The following HDAC4 variants were observed in gnomAD, a reference collection of about 807,000 sequenced individuals.
HDAC4 encodes histone deacetylase A.
In HDAC4, 16 loss-of-function variants were observed where a neutral mutation model predicts 135.1. That is an observed-to-expected ratio of 0.12 (90% CI 0.08 to 0.18). The LOEUF (loss-of-function observed/expected upper bound fraction) is 0.18, where lower values mean the gene tolerates loss of function less well. HDAC4 is among the 10% of genes least tolerant of loss of function. The pLI, the probability that HDAC4 is intolerant of heterozygous loss-of-function variation, is 1.00. For synonymous variants in HDAC4, 685 were observed against 653.4 expected (o/e 1.05, Z -0.74); for missense variants, 1,143 against 1,511.8 (o/e 0.76, Z 4.05).
At chr2:239,120,439 ACAG>A (rs2039568977) in intron 12 of HDAC4, among the ~76,000 whole-genome samples, 1 of 47,522 alleles carries the variant, frequency 2.1e-5, no homozygotes, top group South Asian at 1.7e-3. Context: ...GCACAAATAG[ACAG>A]ACATGCAGAT....
At chr2:239,223,751 C>A (rs574208565) in intron 3 of HDAC4, among the ~76,000 whole-genome samples, 5 of 151,978 alleles carry the variant, frequency 3.3e-5, no homozygotes, top group African/African-American at 1.2e-4. Context: ...CTCACACTCT[C>A]TGCCCAGCAA....
At chr2:239,125,924 G>A (rs1267954342) in intron 12 of HDAC4, among the ~76,000 whole-genome samples, 1 of 152,236 alleles carries the variant, frequency 6.6e-6, no homozygotes, top group Non-Finnish European at 1.5e-5. Flanking sequence ...ACTGCACCCG[G>A]GCCCCCCGGC....
intron 25 of HDAC4, among the ~76,000 whole-genome samples, chr2:239,054,002 G>A (rs1460073241): frequency 1.3e-5 from 2 of 151,964 alleles, no homozygotes; most frequent in Admixed American, 6.5e-5. Flanking sequence ...CTGGGGCTGA[G>A]GGGTCTTCTG....
chr2:239,344,743 G>C (rs1474567142), intron 2 of HDAC4, among the ~76,000 whole-genome samples: 1 of 152,162 alleles, frequency 6.6e-6, no homozygotes, highest in Non-Finnish European at 1.5e-5. Context: ...AAGTATTTTT[G>C]AAACCTTGCC....
intron 3 of HDAC4, among the ~76,000 whole-genome samples, chr2:239,215,171 G>T (rs1347856697): frequency 1.3e-5 from 2 of 152,196 alleles, no homozygotes; most frequent in Non-Finnish European, 2.9e-5. Flanking sequence ...ACAAGCCCTG[G>T]GGCGCTTGGA....
At chr2:239,364,102 A>G (rs1377523315) in intron 1 of HDAC4, among the ~76,000 whole-genome samples, 1 of 152,240 alleles carries the variant, frequency 6.6e-6, no homozygotes, top group East Asian at 1.9e-4. Context: ...GCACTCACAC[A>G]CGAGGTTACA....
At chr2:239,374,732 T>C (rs1694886319) in intron 1 of HDAC4, among the ~76,000 whole-genome samples, 1 of 152,212 alleles carries the variant, frequency 6.6e-6, no homozygotes, top group South Asian at 2.1e-4. Flanking sequence ...AGTTAACTCA[T>C]GTGTGCTAAA....
intron 2 of HDAC4, among the ~76,000 whole-genome samples, chr2:239,328,204 C>T (rs1304230637): frequency 1.3e-5 from 2 of 152,354 alleles, no homozygotes; most frequent in African/African-American, 2.4e-5. Flanking sequence ...GGAGCCCTGG[C>T]GCTGGCCCAA....
At chr2:239,183,472 A>C (rs1173635346) in intron 4 of HDAC4, among the ~76,000 whole-genome samples, 1 of 152,210 alleles carries the variant, frequency 6.6e-6, no homozygotes, top group African/African-American at 2.4e-5. Flanking sequence ...GGATGGGAAC[A>C]CCAGGTGCAG....
chr2:239,395,991 G>A (rs1696532947), intron 1 of HDAC4, among the ~76,000 whole-genome samples: 1 of 151,940 alleles, frequency 6.6e-6, no homozygotes, highest in South Asian at 2.1e-4. Context: ...TTTTTGGGGG[G>A]GACAGCCCAG....
At chr2:239,109,768 G>A (rs945996702) in intron 14 of HDAC4, among the ~76,000 whole-genome samples, 4 of 152,192 alleles carry the variant, frequency 2.6e-5, no homozygotes, top group East Asian at 1.9e-4. Context: ...CGTGAAATAC[G>A]TAAGTGTGTG....
rs114788064 is a variant in HDAC4 at position 239,193,367 on chromosome 2, C to T, written c.95-3290G>A. 7.9e-3 allele frequency among the ~76,000 whole-genome samples: 1,211 copies of T among 152,364 alleles called. 23 individuals are homozygous for T. The highest frequency in any genetic ancestry group is 0.028 in the African/African-American group (1,157 of 41,584). On this transcript the variant is annotated intron_variant, in intron 3 of 26. Transcript: ENST00000543185. Reference sequence around the variant, plus strand: ...GGATTTTTTTTATTAACTTCAAAAACATGACATGCCCGCATTTCCACTCCT... The same window carrying T: ...GGATTTTTTTTATTAACTTCAAAAATATGACATGCCCGCATTTCCACTCCT...
In HDAC4 at chr2:239,352,973, T is replaced by C; in HGVS notation, c.-219-55A>G. ...GAGTTACAACATGGAAGTTCCGATC[T>C]GGAAAACAACATCCAACTAGGGAAA... On this transcript the variant is annotated intron_variant, in intron 1 of 26. Transcript: ENST00000543185. The surrounding 1 kb of genome is among the most constrained non-coding windows in gnomAD (Gnocchi z 4.4). 1 of 486,230 alleles carries C rather than the reference T, an allele frequency of 2.1e-6. No individual in the cohort carries two copies. Among genetic ancestry groups the C allele is most frequent in the Non-Finnish European group, 3.7e-6 (1 of 267,176 alleles). The allele number at this position is 486,230 out of a possible 1,614,324, so 30.1% of individuals were successfully genotyped here.
chr2:239,395,242 C>A, intron 1 of HDAC4, among the ~76,000 whole-genome samples: 1 of 152,162 alleles, frequency 6.6e-6, no homozygotes. Flanking sequence ...ATCAGGCAGG[C>A]CTTCCAGGGC....
At chr2:239,179,728 C>T (rs564472522) in intron 4 of HDAC4, among the ~76,000 whole-genome samples, 8 of 152,344 alleles carry the variant, frequency 5.3e-5, no homozygotes, top group South Asian at 2.1e-4. Context: ...TTACATCGGA[C>T]GGGCAGAGGC....
intron 2 of HDAC4, among the ~76,000 whole-genome samples, chr2:239,237,694 T>C (rs547701099): frequency 5.9e-5 from 9 of 152,050 alleles, no homozygotes; most frequent in African/African-American, 1.7e-4. Context: ...TCCCAGGAGA[T>C]TGGAGGGCAT....
intron 2 of HDAC4, among the ~76,000 whole-genome samples, chr2:239,284,697 G>A (rs1220857716): frequency 1.3e-5 from 2 of 152,136 alleles, no homozygotes; most frequent in Non-Finnish European, 2.9e-5. Flanking sequence ...GGATCTGCAG[G>A]GGGAAAGGCA....
chr2:239,330,772 A>T (rs1284479940), intron 2 of HDAC4, among the ~76,000 whole-genome samples: 2 of 152,252 alleles, frequency 1.3e-5, no homozygotes, highest in African/African-American at 4.8e-5. Context: ...GTGTCAATAC[A>T]AGTATATTTA....
chr2:239,153,868 C>T (rs1039191477), intron 7 of HDAC4, among the ~76,000 whole-genome samples: 1 of 152,190 alleles, frequency 6.6e-6, no homozygotes, highest in African/African-American at 2.4e-5. Context: ...CGAGAGATGG[C>T]GCGGGCCCTG....
Sources: gnomAD v4.1 joint callset for allele counts (sites outside exome capture counted in the v4.1 genomes callset) on GRCh38, gnomAD v4.1.1 for gene constraint, Gnocchi (gnomAD v3.1) non-coding constraint, MANE v1.5 for transcripts, NCBI Gene and HGNC (gene_info 2026-07-23, HGNC 2026-07-21) for gene names.